Variants in ZNF107 observed in about 807,000 individuals in gnomAD.
ZNF107 encodes the protein zinc finger protein 107.
Under a neutral mutation model 12.3 loss-of-function variants are expected in ZNF107, and 19 were observed. The observed-to-expected ratio is 1.55, with a 90% CI of 1.08 to 2.27. The LOEUF (loss-of-function observed/expected upper bound fraction) is 2.27. Among genes scored for constraint, ZNF107 ranks in the 30% most tolerant of loss-of-function variants. ZNF107 has a pLI of 0.00. For synonymous variants in ZNF107, 317 were observed against 330.5 expected, an observed-to-expected ratio of 0.96 and a Z score of 0.44; for missense variants, 958 against 979.9, an observed-to-expected ratio of 0.98 and a Z score of 0.30.
At chr7:64,688,210 G>A (rs1382374436) in intron 1 of ZNF107, among the ~76,000 whole-genome samples, 1 of 151,220 alleles carries the variant, frequency 6.6e-6, no homozygotes, top group Non-Finnish European at 1.5e-5. Flanking sequence ...AGAGTAACGT[G>A]TGCCTTAAGT....
Position 64,709,427 on chromosome 7 carries a change from T to C in ZNF107, c.*771T>C, listed in dbSNP as rs543411419. The C allele has an allele frequency of 5.8e-6, 2 of 342,322 alleles. No homozygotes were observed. The allele number at this position is 342,322 out of a possible 1,614,324, so 21.2% of individuals were successfully genotyped here. The stretch of plus-strand genomic sequence containing the variant: ...CTTTAAACCAATCCTCAAACCTCAC[T>C]AAACATAAGATAATACTGAAAACTT... On this transcript the variant is annotated 3_prime_UTR_variant, in exon 4 of 4. Coordinates refer to ENST00000620827, the MANE Select transcript of ZNF107 (RefSeq NM_001282359.2).
chr7:64,692,201 A>G (rs981828266), intron 3 of ZNF107, among the ~76,000 whole-genome samples: 14 of 151,536 alleles, frequency 9.2e-5, no homozygotes, highest in Middle Eastern at 3.4e-3. Flanking sequence ...GTGACAGCCA[A>G]AGTTCTTTTC....
At chr7:64,694,901 T>C (rs1220702474) in intron 3 of ZNF107, among the ~76,000 whole-genome samples, 1 of 152,204 alleles carries the variant, frequency 6.6e-6, no homozygotes, top group Non-Finnish European at 1.5e-5. Context: ...GTAGGCATTC[T>C]ATATTTACTA....
chr7:64,686,117 C>T (rs1789898516), intron 1 of ZNF107, among the ~76,000 whole-genome samples: 1 of 152,150 alleles, frequency 6.6e-6, no homozygotes, highest in South Asian at 2.1e-4. Flanking sequence ...GACCTCCTAA[C>T]CGTCGAAAAA....
chr7:64,693,598 G>A (rs1790192108), intron 3 of ZNF107, among the ~76,000 whole-genome samples: 2 of 152,004 alleles, frequency 1.3e-5, no homozygotes, highest in Admixed American at 1.3e-4. Flanking sequence ...GTTACTAGAA[G>A]CTTGGGTAGT....
At position 64,666,137 on chromosome 7, in the gene ZNF107, T is replaced by A; in HGVS notation, c.-146T>A. Reference sequence around the variant, plus strand: ...CGGCTTCCGGGATTTGGCGGGGCCTTTGTCTCTGGCTGCAGCCGGAGCTCC... The same window carrying A: ...CGGCTTCCGGGATTTGGCGGGGCCTATGTCTCTGGCTGCAGCCGGAGCTCC... On this transcript the variant is annotated 5_prime_UTR_variant, in exon 1 of 4. In the 5' UTR this introduces an upstream ATG that the reference lacks. Coordinates refer to ENST00000620827, the MANE Select transcript of ZNF107 (RefSeq NM_001282359.2). 8.8e-7 allele frequency: 1 copy of A among 1,131,398 alleles called. No individual in the cohort carries two copies. The allele number at this position is 1,131,398 out of a possible 1,614,324, so 70.1% of individuals were successfully genotyped here.
rs1321020159 is a variant in ZNF107, at chr7:64,697,858, A to ATTT, written c.226+5902_226+5904dup. On this transcript the variant is annotated intron_variant, in intron 3 of 3. Transcript: ENST00000620827. ...ATGCGCCCGCCACCACGCCCGGCTAATTTTTTGTATTTTTTAGTAGAGACG... is the reference window on the plus strand; with the variant it reads ...ATGCGCCCGCCACCACGCCCGGCTAATTTTTTTTTGTATTTTTTAGTAGAGACG... Among the ~76,000 whole-genome samples, 5 of 151,670 alleles carry ATTT rather than the reference A, an allele frequency of 3.3e-5. No individual in the cohort carries two copies. The East Asian group carries it at 5.9e-4, about 18-fold the overall frequency.
At chr7:64,696,370 C>G (rs1461940728) in intron 3 of ZNF107, among the ~76,000 whole-genome samples, 1 of 152,022 alleles carries the variant, frequency 6.6e-6, no homozygotes, top group Non-Finnish European at 1.5e-5. Context: ...AAAAAAATAG[C>G]CAGGCATGGT....
At chr7:64,700,886 T>TA (rs905265153) in intron 3 of ZNF107, among the ~76,000 whole-genome samples, 4 of 152,138 alleles carry the variant, frequency 2.6e-5, no homozygotes, top group African/African-American at 9.7e-5. Flanking sequence ...ATTCTATATG[T>TA]AAAAAAATTA....
chr7:64,687,629 C>G, intron 1 of ZNF107: 7 of 935,130 alleles, frequency 7.5e-6, no homozygotes, highest in Non-Finnish European at 8.9e-6. Context: ...TTGATTATAA[C>G]CAATTAGCAT....
chr7:64,686,877 G>C (rs990389277), intron 1 of ZNF107: 2 of 985,050 alleles, frequency 2.0e-6, no homozygotes, highest in Non-Finnish European at 2.4e-6. Context: ...AAACGGCCTT[G>C]TTGCTCACAC....
At position 64,707,095 on chromosome 7, in the gene ZNF107, G is replaced by T. The variant is rs543803438; in HGVS notation, c.998G>T (p.Arg333Ile). The T allele has an allele frequency of 1.9e-6, 3 of 1,612,402 alleles. No individual in the cohort carries two copies. The highest frequency in any genetic ancestry group is 1.3e-5 in the African/African-American group (1 of 74,906). Residue 333 changes from arginine to isoleucine, a missense_variant, in exon 4 of 4, where the codon AGA (arginine) becomes ATA (isoleucine). By Grantham distance (97) the Arg-to-Ile change is moderately conservative (BLOSUM62 -3). Coordinates refer to ENST00000620827, the MANE Select transcript of ZNF107 (RefSeq NM_001282359.2). ...NLFSNLTNHK[R>I]IHAGEKPYKC... ...TTCTCAAATCTTACTAACCATAAGAGAATTCATGCTGGGGAGAAACCCTAC... is the reference window on the plus strand; with the variant it reads ...TTCTCAAATCTTACTAACCATAAGATAATTCATGCTGGGGAGAAACCCTAC...
chr7:64,693,047 G>C (rs1229650147), intron 3 of ZNF107, among the ~76,000 whole-genome samples: 2 of 151,816 alleles, frequency 1.3e-5, no homozygotes, highest in Non-Finnish European at 2.9e-5. Context: ...CGCCCAGGCT[G>C]GAGTGCAGTG....
chr7:64,707,367 C>T lies in ZNF107; in HGVS notation c.1270C>T (p.Pro424Ser). The T allele has an allele frequency of 2.5e-6, 4 of 1,613,354 alleles. No homozygotes were observed. The highest frequency in any genetic ancestry group is 1.7e-5 in the Admixed American group (1 of 59,990). The change falls in exon 4 of 4, where the codon CCC becomes TCC. Residue 424 changes from proline to serine, a missense_variant. Transcript: ENST00000620827. The part of the protein sequence containing the change: ...RHKIIHTGEK[P>S]YKCKECGKAF... ...TAAGATAATTCATACTGGAGAGAAA[C>T]CCTACAAATGTAAAGAATGTGGCAA... is the stretch of plus-strand genomic sequence containing the variant.
chr7:64,709,798 CAA>C lies in ZNF107; in HGVS notation c.*1143_*1144del, dbSNP rs938256896. The C allele has an allele frequency of 4.5e-6, 2 of 448,044 alleles. No homozygotes were observed. The highest frequency in any genetic ancestry group is 4.1e-5 in the African/African-American group (2 of 49,224). The allele number at this position is 448,044 out of a possible 1,614,324, so 27.8% of individuals were successfully genotyped here. A position where few individuals can be genotyped will look rare whatever the true frequency, so the allele number is the denominator to read the frequency against. On this transcript the variant is annotated 3_prime_UTR_variant, in exon 4 of 4. Coordinates refer to ENST00000620827, the MANE Select transcript of ZNF107 (RefSeq NM_001282359.2). ...AAAGCATTATAAATGCAATTTTTGT[CAA>C]GAGATCTTTCAGAAAATATAAGCCT...
At chr7:64,701,416 C>T (rs1252756709) in intron 3 of ZNF107, among the ~76,000 whole-genome samples, 1 of 150,228 alleles carries the variant, frequency 6.7e-6, no homozygotes, top group Non-Finnish European at 1.5e-5. Flanking sequence ...GGTGTGCCAC[C>T]ATGCCTGGCT....
intron 1 of ZNF107, among the ~76,000 whole-genome samples, chr7:64,673,100 G>C (rs1392251660): frequency 6.6e-6 from 1 of 152,192 alleles, no homozygotes; most frequent in African/African-American, 2.4e-5. Flanking sequence ...CTGGAGTGCA[G>C]TGGCACGATC....
intron 1 of ZNF107, among the ~76,000 whole-genome samples, chr7:64,672,894 T>G (rs1789286821): frequency 6.6e-6 from 1 of 152,196 alleles, no homozygotes; most frequent in African/African-American, 2.4e-5. Flanking sequence ...TGAACTAATT[T>G]ACATTCCCAC....
chr7:64,700,060 CAAAAAA>C (rs57490541), intron 3 of ZNF107, among the ~76,000 whole-genome samples: 2 of 96,830 alleles, frequency 2.1e-5, no homozygotes, highest in Non-Finnish European at 3.8e-5. Flanking sequence ...GACTCCATCT[CAAAAAA>C]AAAAAAAAAA....
Sources: allele counts gnomAD v4.1 joint callset (sites outside exome capture counted in the v4.1 genomes callset), GRCh38; gene constraint gnomAD v4.1.1; transcripts MANE v1.5; gene names NCBI Gene and HGNC (gene_info 2026-07-23, HGNC 2026-07-21).